Variants in CEP83 observed in about 807,000 individuals in gnomAD.
CEP83 encodes centrosomal protein of 83 kDa.
CEP83 carries 70 observed loss-of-function variants against 101.9 expected under a neutral mutation model. That is an observed-to-expected ratio of 0.69 (90% CI 0.57 to 0.84). CEP83 has a LOEUF of 0.84. Ranked by LOEUF, CEP83 falls within the 40% of genes least tolerant of loss-of-function variation. The probability of loss-of-function intolerance (pLI) is 0.00; values close to 1 mark genes in which losing one functional copy is unlikely to be tolerated. For missense variants in CEP83, 715 were observed against 787.2 expected (o/e 0.91, Z 1.10); for synonymous variants, 264 against 267.9 (o/e 0.99, Z 0.14).
chr12:94,455,745 C>T (rs1399020556), intron 1 of CEP83, among the ~76,000 whole-genome samples: 2 of 152,094 alleles, frequency 1.3e-5, no homozygotes, highest in Non-Finnish European at 2.9e-5. Flanking sequence ...GATTATAGCT[C>T]AGTTAAAAGA....
Position 94,312,916 on chromosome 12 carries a change from A to G in CEP83, c.1809T>C (p.Asn603=), listed in dbSNP as rs753429433. The part of the protein sequence containing the change: ...EELETENQVL[N]RQNVPFEDYT... ...AGATACACATACAAACACATTACCT[A>G]TTTAAGACCTGATTTTCTGTTTCCA... Residue 603 remains asparagine, a splice_region_variant and synonymous_variant, in exon 15 of 17, where the codon AAT becomes AAC. Transcript: ENST00000397809. 1 of 1,522,822 alleles carries G rather than the reference A, an allele frequency of 6.6e-7. No homozygotes were observed. Among genetic ancestry groups the G allele is most frequent in the South Asian group, 1.1e-5 (1 of 87,020 alleles). 94.3% of individuals were successfully genotyped at this position (1,522,822 alleles called of 1,614,324 possible).
chr12:94,345,738 G>A (rs2059906022), intron 11 of CEP83, among the ~76,000 whole-genome samples: 1 of 152,208 alleles, frequency 6.6e-6, no homozygotes, highest in South Asian at 2.1e-4. Flanking sequence ...GCTACACAGA[G>A]GGGCCAAGAA....
chr12:94,406,218 C>G (rs778477043), intron 4 of CEP83, among the ~76,000 whole-genome samples: 11 of 151,998 alleles, frequency 7.2e-5, no homozygotes, highest in Non-Finnish European at 1.2e-4. Flanking sequence ...CAAAATAAAG[C>G]TCAAGAACAT....
chr12:94,353,475 C>T (rs1016855258), intron 11 of CEP83, among the ~76,000 whole-genome samples: 1 of 152,008 alleles, frequency 6.6e-6, no homozygotes, highest in East Asian at 1.9e-4. Context: ...TACAGAAATC[C>T]ACCAAACCAC....
intron 11 of CEP83, among the ~76,000 whole-genome samples, chr12:94,343,783 G>A (rs1241885737): frequency 1.3e-5 from 2 of 151,794 alleles, no homozygotes; most frequent in African/African-American, 2.4e-5. Flanking sequence ...GTGAGCCACC[G>A]CGCCCAGCCG....
At chr12:94,406,750 T>C (rs2063560476) in intron 4 of CEP83, among the ~76,000 whole-genome samples, 1 of 151,968 alleles carries the variant, frequency 6.6e-6, no homozygotes, top group African/African-American at 2.4e-5. Context: ...TGAAACCCCA[T>C]GTCTACTAAC....
At chr12:94,438,414 C>G (rs988557725) in intron 1 of CEP83, among the ~76,000 whole-genome samples, 1 of 152,088 alleles carries the variant, frequency 6.6e-6, no homozygotes, top group Admixed American at 6.5e-5. Flanking sequence ...TCAGACAAAA[C>G]AAACTTTAAA....
At chr12:94,455,450 A>G (rs1377616045) in intron 1 of CEP83, among the ~76,000 whole-genome samples, 1 of 152,220 alleles carries the variant, frequency 6.6e-6, no homozygotes, top group Non-Finnish European at 1.5e-5. Context: ...AAGTAACTGA[A>G]TCAAACGAAT....
intron 11 of CEP83, among the ~76,000 whole-genome samples, chr12:94,362,963 CAT>C (rs2060844989): frequency 6.6e-6 from 1 of 152,184 alleles, no homozygotes; most frequent in Non-Finnish European, 1.5e-5. Flanking sequence ...TTCTCACTCA[CAT>C]GTGTAAGCTA....
chr12:94,266,491 C>A, the CEP83 span, among the ~76,000 whole-genome samples: 1 of 152,232 alleles, frequency 6.6e-6, no homozygotes, highest in African/African-American at 2.4e-5. Flanking sequence ...AGTCGCTAGG[C>A]AGCATGCTGG....
At position 94,403,302 on chromosome 12, in the gene CEP83, A is replaced by C. The variant is rs751924835; in HGVS notation, c.325-40T>G. The C allele has an allele frequency of 4.4e-6, 4 of 900,514 alleles. No homozygotes were observed. In the Admixed American group the frequency reaches 7.9e-5, roughly 18 times the overall value. 55.8% of individuals were successfully genotyped at this position (900,514 alleles called of 1,614,324 possible). A position where few individuals can be genotyped will look rare whatever the true frequency, so the allele number is the denominator to read the frequency against. On this transcript the variant is annotated intron_variant, in intron 4 of 16. Coordinates refer to ENST00000397809, the MANE Select transcript of CEP83 (RefSeq NM_016122.3). ...AATGCAAACAATATAAAATCACATT[A>C]AAATCAAGAATTCTCCATATTTCAA... is the stretch of plus-strand genomic sequence containing the variant.
the CEP83 span, among the ~76,000 whole-genome samples, chr12:94,266,591 T>G: frequency 6.6e-6 from 1 of 152,172 alleles, no homozygotes; most frequent in Non-Finnish European, 1.5e-5. Context: ...TAACAACTGT[T>G]GGTAGAGTGG....
At chr12:94,285,213 T>C in the CEP83 span, among the ~76,000 whole-genome samples, 2 of 152,138 alleles carry the variant, frequency 1.3e-5, no homozygotes, top group South Asian at 4.1e-4. Flanking sequence ...AGGGACCCCC[T>C]GTTTTTCATG....
chr12:94,278,626 G>A, the CEP83 span, among the ~76,000 whole-genome samples: 1 of 152,180 alleles, frequency 6.6e-6, no homozygotes, highest in Non-Finnish European at 1.5e-5. Flanking sequence ...ATGAGGGCTG[G>A]GGAAACCATC....
At chr12:94,297,187 A>G in the CEP83 span, 1 of 1,613,812 alleles carries the variant, frequency 6.2e-7, no homozygotes, top group Non-Finnish European at 8.5e-7. Flanking sequence ...TCTGGCATTC[A>G]GATGTGGAGT....
chr12:94,287,220 A>C, the CEP83 span, among the ~76,000 whole-genome samples: 1 of 152,234 alleles, frequency 6.6e-6, no homozygotes, highest in African/African-American at 2.4e-5. Context: ...GTGTCTTTAC[A>C]CATGAAGCCA....
intron 12 of CEP83, 162 bp from the exon 13 acceptor site, chr12:94,333,801 G>A (rs945060073): frequency 1.7e-6 from 1 of 598,676 alleles, no homozygotes; most frequent in Non-Finnish European, 2.9e-6. Context: ...CAGCACCCAG[G>A]AGCATTTCTT....
chr12:94,422,420 A>G (rs1454443093), intron 2 of CEP83, among the ~76,000 whole-genome samples: 1 of 152,250 alleles, frequency 6.6e-6, no homozygotes, highest in East Asian at 1.9e-4. Flanking sequence ...CAGCAACTGT[A>G]ACACAAATCA....
chr12:94,429,747 C>T (rs538890220), intron 2 of CEP83, among the ~76,000 whole-genome samples: 27 of 152,224 alleles, frequency 1.8e-4, no homozygotes, highest in Non-Finnish European at 3.5e-4. Context: ...CTTCCACTGC[C>T]CAGGCTAAAG....
Sources: gnomAD v4.1 joint callset for allele counts (sites outside exome capture counted in the v4.1 genomes callset) on GRCh38, gnomAD v4.1.1 for gene constraint, MANE v1.5 for transcripts, NCBI Gene and HGNC (gene_info 2026-07-23, HGNC 2026-07-21) for gene names.